SEMA3A: variants seen among roughly 807,000 people sequenced by gnomAD.
The protein encoded by SEMA3A is semaphorin-3A.
SEMA3A carries 29 observed loss-of-function variants against 97.9 expected under a neutral mutation model. The observed-to-expected ratio is 0.30, with a 90% confidence interval of 0.22 to 0.40. The LOEUF is 0.40. SEMA3A is among the 10% of genes least tolerant of loss of function. The probability of loss-of-function intolerance (pLI) is 1.00; values close to 1 mark genes in which losing one functional copy is unlikely to be tolerated. For missense variants in SEMA3A, 763 were observed against 951.3 expected (o/e 0.80, Z 2.60); for synonymous variants, 321 against 323.7 (o/e 0.99, Z 0.09).
At chr7:84,279,876 A>T (rs1283049987) in intron 3 of SEMA3A, among the ~76,000 whole-genome samples, 1 of 152,040 alleles carries the variant, frequency 6.6e-6, no homozygotes, top group African/African-American at 2.4e-5. Context: ...CAGTAATGAC[A>T]TATTCATATA....
intron 6 of SEMA3A, among the ~76,000 whole-genome samples, chr7:84,021,077 C>T (rs746587383): frequency 9.9e-5 from 15 of 152,148 alleles, no homozygotes; most frequent in Non-Finnish European, 2.1e-4. Flanking sequence ...GATTTTGGCT[C>T]CCAAGTTTTT....
chr7:84,160,314 T>C (rs1316218002), intron 1 of SEMA3A, among the ~76,000 whole-genome samples: 1 of 152,000 alleles, frequency 6.6e-6, no homozygotes, highest in East Asian at 1.9e-4. Flanking sequence ...TGTTCTATCA[T>C]ACCCTTTATA....
At chr7:84,170,432 C>T (rs1437667366) in intron 1 of SEMA3A, among the ~76,000 whole-genome samples, 1 of 151,910 alleles carries the variant, frequency 6.6e-6, no homozygotes, top group Non-Finnish European at 1.5e-5. Context: ...ATGCTAATAA[C>T]TCTACACTTT....
chr7:84,068,347 A>G (rs1234480801), intron 4 of SEMA3A, among the ~76,000 whole-genome samples: 1 of 148,352 alleles, frequency 6.7e-6, no homozygotes, highest in East Asian at 2.0e-4. Flanking sequence ...TGGGTGCAGC[A>G]CACCAGCATG....
intron 5 of SEMA3A, among the ~76,000 whole-genome samples, chr7:84,055,695 G>A (rs935307559): frequency 1.3e-5 from 2 of 152,184 alleles, no homozygotes; most frequent in Non-Finnish European, 2.9e-5. Context: ...GCTGTAGATC[G>A]GAGCTGTTCC....
At chr7:84,025,564 T>C (rs1240728045) in intron 6 of SEMA3A, among the ~76,000 whole-genome samples, 1 of 152,164 alleles carries the variant, frequency 6.6e-6, no homozygotes, top group African/African-American at 2.4e-5. Context: ...AACCTCTGGC[T>C]GCCAAGGAAC....
intron 3 of SEMA3A, among the ~76,000 whole-genome samples, chr7:84,280,381 G>GC (rs1800413622): frequency 6.6e-6 from 1 of 152,102 alleles, no homozygotes; most frequent in African/African-American, 2.4e-5. Context: ...CTGTACCACG[G>GC]CAATTTATTT....
chr7:84,135,235 C>T (rs1258307268), intron 1 of SEMA3A, among the ~76,000 whole-genome samples: 1 of 151,640 alleles, frequency 6.6e-6, no homozygotes, highest in Non-Finnish European at 1.5e-5. Flanking sequence ...CTCAGCCTCC[C>T]GAGTAGCTGG....
At chr7:84,346,846 G>C (rs777468810) in intron 2 of SEMA3A, among the ~76,000 whole-genome samples, 13 of 152,150 alleles carry the variant, frequency 8.5e-5, no homozygotes, top group African/African-American at 1.2e-4. Context: ...CTTAACGCAG[G>C]GTTGCCAGAA....
chr7:84,325,298 C>A (rs2115926399), intron 2 of SEMA3A, among the ~76,000 whole-genome samples: 1 of 152,138 alleles, frequency 6.6e-6, no homozygotes, highest in East Asian at 1.9e-4. Flanking sequence ...ATCAACTAAT[C>A]AATCAAACAA....
chr7:84,118,956 T>C (rs1015711858), intron 3 of SEMA3A, among the ~76,000 whole-genome samples: 2 of 152,178 alleles, frequency 1.3e-5, no homozygotes, highest in Non-Finnish European at 2.9e-5. Context: ...CTTACAGCCA[T>C]AGACTAGCTC....
At chr7:84,445,271 C>T (rs954638433) in intron 1 of SEMA3A, among the ~76,000 whole-genome samples, 6 of 151,366 alleles carry the variant, frequency 4.0e-5, no homozygotes, top group Non-Finnish European at 5.9e-5. Context: ...GCGGGCGGAT[C>T]ACGAGTTCAG....
chr7:84,173,668 A>C (rs1171683585), intron 1 of SEMA3A, among the ~76,000 whole-genome samples: 1 of 152,116 alleles, frequency 6.6e-6, no homozygotes, highest in Admixed American at 6.5e-5. Context: ...GAAACCCAGC[A>C]TGACTCAAGG....
chr7:84,468,856 T>C (rs1162620833), intron 1 of SEMA3A, among the ~76,000 whole-genome samples: 1 of 152,092 alleles, frequency 6.6e-6, no homozygotes, highest in Non-Finnish European at 1.5e-5. Context: ...AGTAAAATAC[T>C]CTTATTTCAT....
chr7:84,126,695 G>A lies in SEMA3A; in HGVS notation c.333+2428C>T, dbSNP rs372466787. Among the ~76,000 whole-genome samples the A allele has an allele frequency of 3.9e-5, 6 of 152,068 alleles. No individual in the cohort carries two copies. In the South Asian group the frequency reaches 1.0e-3, roughly 26 times the overall value. ...TAATGGTAAAATGTAGCTTTTTGAC[G>A]TTAATAGATTTTTGTTTGTTCAATT... is the stretch of plus-strand genomic sequence containing the variant. On this transcript the variant is annotated intron_variant, in intron 3 of 16. Coordinates refer to ENST00000265362, the MANE Select transcript of SEMA3A (RefSeq NM_006080.3).
At chr7:83,976,315 A>T (rs906638854) in intron 15 of SEMA3A, among the ~76,000 whole-genome samples, 1 of 152,332 alleles carries the variant, frequency 6.6e-6, no homozygotes, top group East Asian at 1.9e-4. Context: ...AATAAATGGC[A>T]TCAAAAAAAT....
chr7:84,476,870 G>A (rs1425227077), intron 1 of SEMA3A, among the ~76,000 whole-genome samples: 2 of 151,526 alleles, frequency 1.3e-5, no homozygotes, highest in East Asian at 1.9e-4. Context: ...ACATAACTAC[G>A]ATTATTAATA....
chr7:84,198,590 T>A (rs1798290439), upstream of SEMA3A, among the ~76,000 whole-genome samples: 1 of 152,218 alleles, frequency 6.6e-6, no homozygotes, highest in African/African-American at 2.4e-5. Context: ...TATTTTCAAT[T>A]ATTTTCTAAC....
chr7:84,402,433 T>TGGA (rs1027585888), intron 1 of SEMA3A, among the ~76,000 whole-genome samples: 89 of 152,298 alleles, frequency 5.8e-4, no homozygotes, highest in Admixed American at 2.1e-3. Flanking sequence ...GAAAATAATA[T>TGGA]GGACATTCCT....
Sources: allele counts gnomAD v4.1 joint callset (sites outside exome capture counted in the v4.1 genomes callset), GRCh38; gene constraint gnomAD v4.1.1; transcripts MANE v1.5; gene names NCBI Gene and HGNC (gene_info 2026-07-23, HGNC 2026-07-21).